The following TEC variants were observed in gnomAD, a reference collection of about 807,000 sequenced individuals.
The protein encoded by TEC is tyrosine-protein kinase Tec.
Under a neutral mutation model 93.0 loss-of-function variants are expected in TEC, and 72 were observed. The ratio of observed to expected loss-of-function variants is 0.77; its 90% confidence interval spans 0.64 to 0.94. The LOEUF is 0.94. TEC is among the 40% of genes least tolerant of loss of function. The probability of loss-of-function intolerance (pLI) is 0.00; values close to 1 mark genes in which losing one functional copy is unlikely to be tolerated. For missense variants in TEC, 630 were observed against 757.9 expected (o/e 0.83, Z 1.98); for synonymous variants, 249 against 247.7 (o/e 1.01, Z -0.05).
At chr4:48,253,871 T>C (rs1174185272) in intron 1 of TEC, among the ~76,000 whole-genome samples, 1 of 152,056 alleles carries the variant, frequency 6.6e-6, no homozygotes, top group Non-Finnish European at 1.5e-5. Context: ...CCACCGAGCC[T>C]GGCCTAATCA....
Position 48,176,200 on chromosome 4 carries a change from A to C in TEC, c.139-14T>G, listed in dbSNP as rs898688153. 2 of 1,570,948 alleles carry C rather than the reference A, an allele frequency of 1.3e-6. No homozygotes were observed. Among genetic ancestry groups the C allele is most frequent in the Non-Finnish European group, 1.7e-6 (2 of 1,143,410 alleles). On this transcript the variant is annotated splice_polypyrimidine_tract_variant and intron_variant, in intron 2 of 17. Coordinates refer to ENST00000381501, the MANE Select transcript of TEC (RefSeq NM_003215.3). Reference sequence around the variant, plus strand: ...TCTGTATTTCTTCTGTTAAAAGAAAAAAAGGAGAAACATTAGAATCATAAG... The same window carrying C: ...TCTGTATTTCTTCTGTTAAAAGAAACAAAGGAGAAACATTAGAATCATAAG...
intron 2 of TEC, among the ~76,000 whole-genome samples, chr4:48,213,209 A>C (rs550596765): frequency 6.6e-6 from 1 of 152,336 alleles, no homozygotes; most frequent in South Asian, 2.1e-4. Flanking sequence ...CCTTTCCAAT[A>C]ATCTATTAAA....
Position 48,175,935 on chromosome 4 carries a change from A to C in TEC, c.243+147T>G, listed in dbSNP as rs1235890893. ...TCAGAAAATGTTTCCACAAAGACTTAAACAGTTCATGAAGAAAAGTCACAA... is the reference window on the plus strand; with the variant it reads ...TCAGAAAATGTTTCCACAAAGACTTCAACAGTTCATGAAGAAAAGTCACAA... On this transcript the variant is annotated intron_variant, in intron 3 of 17. Coordinates refer to ENST00000381501, the MANE Select transcript of TEC (RefSeq NM_003215.3). 9.1e-5 allele frequency: 56 copies of C among 618,342 alleles called. 1 individual carries two copies. Among genetic ancestry groups the C allele is most frequent in the Non-Finnish European group, 1.1e-5 (4 of 353,262 alleles). 38.3% of individuals were successfully genotyped at this position (618,342 alleles called of 1,614,324 possible).
intron 2 of TEC, among the ~76,000 whole-genome samples, chr4:48,179,369 TATATATA>T (rs1432662282): frequency 1.3e-3 from 52 of 39,130 alleles, no homozygotes; most frequent in East Asian, 3.0e-3. Context: ...TATATATATA[TATATATA>T]TTTTTTTTTT....
intron 2 of TEC, among the ~76,000 whole-genome samples, chr4:48,182,993 G>C (rs1721655093): frequency 6.6e-6 from 1 of 152,104 alleles, no homozygotes. Context: ...TATTCCAAAT[G>C]ATTCGTCCCT....
chr4:48,145,165 T>G lies in TEC; in HGVS notation c.1384A>C (p.Ser462Arg), dbSNP rs1719851361. The change falls in exon 14 of 18, where the codon AGT becomes CGT. Residue 462 changes from serine to arginine, a missense_variant. By Grantham distance (110) the Ser-to-Arg change is moderately radical. Around this residue, in one of 3 missense-constraint regions of TEC, gnomAD observed 289 missense variants for 390.0 expected, o/e 0.74. Coordinates refer to ENST00000381501, the MANE Select transcript of TEC (RefSeq NM_003215.3). ...NFLRQRQGHF[S>R]RDVLLSMCQD... ...CACATGCTCAGCAGTACGTCTCTAC[T>G]GAAATGACCTTGTCTCTGTCGGAGG... The G allele has an allele frequency of 1.2e-6, 2 of 1,614,178 alleles. No homozygotes were observed. The highest frequency in any genetic ancestry group is 1.7e-6 in the Non-Finnish European group (2 of 1,180,020).
At chr4:48,200,412 T>C (rs2109595271) in intron 2 of TEC, among the ~76,000 whole-genome samples, 1 of 152,300 alleles carries the variant, frequency 6.6e-6, no homozygotes, top group South Asian at 2.1e-4. Flanking sequence ...TGTAGGGTTT[T>C]AGGCAGGAGA....
chr4:48,241,158 C>A (rs1236276193), intron 1 of TEC, among the ~76,000 whole-genome samples: 2 of 151,846 alleles, frequency 1.3e-5, no homozygotes, highest in African/African-American at 4.8e-5. Flanking sequence ...CTGTTCTTTG[C>A]TCTATTCATC....
intron 2 of TEC, among the ~76,000 whole-genome samples, chr4:48,216,281 A>G (rs1723078813): frequency 6.6e-6 from 1 of 151,442 alleles, no homozygotes; most frequent in Admixed American, 6.6e-5. Context: ...ACAGGTCTAT[A>G]CTCTTGCCAC....
At chr4:48,234,428 A>G (rs1723723865) in intron 1 of TEC, among the ~76,000 whole-genome samples, 1 of 152,226 alleles carries the variant, frequency 6.6e-6, no homozygotes, top group East Asian at 1.9e-4. Context: ...GGGAAATCCC[A>G]AAATGAATGA....
At chr4:48,246,626 C>A (rs1560424286) in intron 1 of TEC, among the ~76,000 whole-genome samples, 1 of 152,104 alleles carries the variant, frequency 6.6e-6, no homozygotes, top group East Asian at 1.9e-4. Context: ...CAACTGTGGT[C>A]AATTATTTTT....
intron 2 of TEC, among the ~76,000 whole-genome samples, chr4:48,208,729 C>A (rs866573174): frequency 3.9e-5 from 6 of 152,192 alleles, no homozygotes; most frequent in African/African-American, 7.2e-5. Context: ...TTACTGGTAT[C>A]TGTACGTTGT....
intron 2 of TEC, among the ~76,000 whole-genome samples, chr4:48,184,272 G>C (rs1179257975): frequency 6.6e-6 from 1 of 152,162 alleles, no homozygotes; most frequent in African/African-American, 2.4e-5. Flanking sequence ...TTCCAATCCT[G>C]AATTTGTAAG....
intron 3 of TEC, among the ~76,000 whole-genome samples, chr4:48,175,723 C>CG (rs113749151): frequency 6.6e-6 from 1 of 152,048 alleles, no homozygotes; most frequent in Non-Finnish European, 1.5e-5. Flanking sequence ...GAACCATTGT[C>CG]GGGAAAAAAA....
At chr4:48,181,672 C>CAA (rs35655873) in intron 2 of TEC, among the ~76,000 whole-genome samples, 5 of 106,628 alleles carry the variant, frequency 4.7e-5, no homozygotes, top group Admixed American at 9.6e-5. Flanking sequence ...GACTCTGTCT[C>CAA]AAAAAAAAAA....
chr4:48,185,531 T>C (rs1721786052), intron 2 of TEC, among the ~76,000 whole-genome samples: 1 of 152,206 alleles, frequency 6.6e-6, no homozygotes, highest in Non-Finnish European at 1.5e-5. Context: ...TTCCATTACT[T>C]GGTATCTCAT....
chr4:48,205,709 A>C (rs56381082), intron 2 of TEC, among the ~76,000 whole-genome samples: 12,247 of 152,308 alleles, frequency 0.08, 684 homozygotes, highest in East Asian at 0.31. Flanking sequence ...AGTGTAAAGA[A>C]GGATTTGGAG....
chr4:48,149,699 A>G lies in TEC; in HGVS notation c.873-9T>C, dbSNP rs759083787. On this transcript the variant is annotated splice_polypyrimidine_tract_variant and intron_variant, in intron 10 of 17. Transcript: ENST00000381501. ...AACCCGATGAACCTTCTCTAGAACA[A>G]AAATCAAAATGTGTCAGAACCAAGT... 3 of 1,593,536 alleles carry G rather than the reference A, an allele frequency of 1.9e-6. No homozygotes were observed. In the South Asian group the frequency reaches 3.5e-5, roughly 18 times the overall value.
chr4:48,203,539 C>T (rs1324096971), intron 2 of TEC, among the ~76,000 whole-genome samples: 1 of 152,132 alleles, frequency 6.6e-6, no homozygotes, highest in Non-Finnish European at 1.5e-5. Context: ...GTAACCCCAA[C>T]ATGATGGTCC....
Sources: gnomAD v4.1 joint callset for allele counts (sites outside exome capture counted in the v4.1 genomes callset) on GRCh38, gnomAD v4.1.1 for gene constraint, gnomAD v4.1.1 regional missense constraint, MANE v1.5 for transcripts, NCBI Gene and HGNC (gene_info 2026-07-23, HGNC 2026-07-21) for gene names.